Variants in ABCC4 observed in about 807,000 individuals in gnomAD.
The protein encoded by ABCC4 is ATP-binding cassette sub-family C member 4.
In ABCC4, 102 loss-of-function variants were observed where a neutral mutation model predicts 168.5. The ratio of observed to expected loss-of-function variants is 0.61; its 90% CI spans 0.52 to 0.71. The LOEUF is 0.71. Among genes scored for constraint, ABCC4 ranks in the 30% least tolerant of loss-of-function variants. The pLI, the probability that ABCC4 is intolerant of heterozygous loss-of-function variation, is 0.00. For synonymous variants in ABCC4, 617 were observed against 590.7 expected (o/e 1.04, Z -0.65); for missense variants, 1,402 against 1,605.8 (o/e 0.87, Z 2.17).
At chr13:95,202,485 A>C (rs2038655268) in intron 8 of ABCC4, among the ~76,000 whole-genome samples, 1 of 152,092 alleles carries the variant, frequency 6.6e-6, no homozygotes, top group African/African-American at 2.4e-5. Flanking sequence ...AAGACAATAA[A>C]ACCAAGGCCC....
chr13:95,189,664 T>C (rs926722875), intron 9 of ABCC4, among the ~76,000 whole-genome samples: 2 of 152,184 alleles, frequency 1.3e-5, no homozygotes, highest in African/African-American at 4.8e-5. Context: ...ATAAAGTCAC[T>C]CTTGGCAAAT....
At chr13:95,138,733 G>A (rs1014898901) in intron 19 of ABCC4, among the ~76,000 whole-genome samples, 3 of 152,192 alleles carry the variant, frequency 2.0e-5, no homozygotes, top group African/African-American at 4.8e-5. Context: ...ATGGAGCTCC[G>A]GCAAGCACCG....
intron 25 of ABCC4, among the ~76,000 whole-genome samples, chr13:95,068,135 A>T (rs2139300163): frequency 6.6e-6 from 1 of 152,352 alleles, no homozygotes; most frequent in East Asian, 1.9e-4. Context: ...ACATTCCTAC[A>T]TCTCCACTGG....
intron 1 of ABCC4, among the ~76,000 whole-genome samples, chr13:95,268,535 GGC>G (rs2040745357): frequency 1.3e-5 from 2 of 151,892 alleles, no homozygotes; most frequent in African/African-American, 4.8e-5. Context: ...CTTGGCCCTT[GGC>G]AATGGAACGT....
At chr13:95,140,093 G>A (rs2036269240) in intron 19 of ABCC4, among the ~76,000 whole-genome samples, 1 of 152,140 alleles carries the variant, frequency 6.6e-6, no homozygotes, top group Non-Finnish European at 1.5e-5. Flanking sequence ...CTTACCTTCA[G>A]TTCTGCTTCT....
chr13:95,175,018 T>C (rs1234131986), intron 13 of ABCC4, among the ~76,000 whole-genome samples: 3 of 152,196 alleles, frequency 2.0e-5, no homozygotes, highest in African/African-American at 4.8e-5. Flanking sequence ...TGTGCAACCA[T>C]CACCATCATA....
chr13:95,171,926 G>A (rs1007619949), intron 13 of ABCC4, among the ~76,000 whole-genome samples: 1 of 152,032 alleles, frequency 6.6e-6, no homozygotes, highest in African/African-American at 2.4e-5. Context: ...TAGTACTAAA[G>A]CTTTTAATGA....
intron 9 of ABCC4, among the ~76,000 whole-genome samples, chr13:95,189,343 G>A (rs991312405): frequency 1.3e-5 from 2 of 151,230 alleles, no homozygotes; most frequent in African/African-American, 4.9e-5. Flanking sequence ...CCGTGGTCTC[G>A]ATCTCCTGAC....
At chr13:95,244,012 G>A (rs2040017261) in intron 3 of ABCC4, among the ~76,000 whole-genome samples, 1 of 152,118 alleles carries the variant, frequency 6.6e-6, no homozygotes, top group Non-Finnish European at 1.5e-5. Context: ...GGACACCTAG[G>A]AACCTAGGGT....
chr13:95,298,042 A>C (rs2041579411), intron 1 of ABCC4, among the ~76,000 whole-genome samples: 1 of 152,116 alleles, frequency 6.6e-6, no homozygotes. Flanking sequence ...TAATCCCAGC[A>C]TTTTTGGAGG....
intron 14 of ABCC4, among the ~76,000 whole-genome samples, chr13:95,166,813 G>T (rs1379801885): frequency 6.6e-6 from 1 of 152,142 alleles, no homozygotes; most frequent in Non-Finnish European, 1.5e-5. Flanking sequence ...ACTGGCCATG[G>T]GCCCTGCTGG....
chr13:95,028,796 A>G (rs9524773), intron 30 of ABCC4, among the ~76,000 whole-genome samples: 58,040 of 151,794 alleles, frequency 0.38, 12,493 homozygotes, highest in East Asian at 0.48. Flanking sequence ...AAAAATAGCT[A>G]ACTTAATTGG....
At chr13:95,043,932 A>G (rs1223872540) in intron 28 of ABCC4, 145 bp from the exon 29 acceptor site, 1 of 641,962 alleles carries the variant, frequency 1.6e-6, no homozygotes, top group Non-Finnish European at 2.6e-6. Flanking sequence ...ATGTTTTAGG[A>G]CAATCTTATT....
intron 20 of ABCC4, among the ~76,000 whole-genome samples, chr13:95,109,284 A>C (rs2035118842): frequency 6.6e-6 from 1 of 152,154 alleles, no homozygotes; most frequent in Non-Finnish European, 1.5e-5. Context: ...TTATTACAGA[A>C]TGGAGTGGTA....
At chr13:95,214,341 T>C (rs916490903) in intron 4 of ABCC4, among the ~76,000 whole-genome samples, 3 of 152,052 alleles carry the variant, frequency 2.0e-5, no homozygotes, top group African/African-American at 7.3e-5. Context: ...ATTGGAGTCC[T>C]AAAAGAAGAA....
intron 27 of ABCC4, among the ~76,000 whole-genome samples, chr13:95,046,005 C>T (rs1231538904): frequency 4.6e-5 from 7 of 152,052 alleles, no homozygotes; most frequent in African/African-American, 1.2e-4. Flanking sequence ...AATTAAAATC[C>T]GAAGTGTAAG....
chr13:95,295,960 G>A (rs530207380), intron 1 of ABCC4, among the ~76,000 whole-genome samples: 6,381 of 99,106 alleles, frequency 0.064, 410 homozygotes, highest in African/African-American at 0.27. Flanking sequence ...GTGAGACTCC[G>A]TCAAAAAAAA....
At chr13:95,091,477 T>C (rs1397408335) in intron 20 of ABCC4, among the ~76,000 whole-genome samples, 2 of 152,302 alleles carry the variant, frequency 1.3e-5, no homozygotes, top group East Asian at 1.9e-4. Flanking sequence ...CTAGAAGGGA[T>C]TGGGGCCCTA....
intron 4 of ABCC4, among the ~76,000 whole-genome samples, chr13:95,233,420 T>G (rs192617631): frequency 2.6e-5 from 4 of 152,024 alleles, no homozygotes; most frequent in African/African-American, 9.7e-5. Context: ...ATACCAGATG[T>G]TCTCACTTAT....
Sources: allele counts gnomAD v4.1 joint callset (sites outside exome capture counted in the v4.1 genomes callset), GRCh38; gene constraint gnomAD v4.1.1; transcripts MANE v1.5; gene names NCBI Gene and HGNC (gene_info 2026-07-23, HGNC 2026-07-21).